The following UBE2E3 variants were observed in gnomAD, a reference collection of about 807,000 sequenced individuals.
UBE2E3 encodes ubiquitin conjugating enzyme E2 E3.
UBE2E3 carries 5 observed loss-of-function variants against 23.6 expected under a neutral mutation model. The observed-to-expected ratio is 0.21, with a 90% CI of 0.11 to 0.44. The LOEUF is 0.44. Among genes scored for constraint, UBE2E3 ranks in the 20% least tolerant of loss-of-function variants. UBE2E3 has a pLI of 0.99. For missense variants in UBE2E3, 81 were observed against 249.8 expected (o/e 0.32, Z 4.55); for synonymous variants, 78 against 87.5 (o/e 0.89, Z 0.60).
At chr2:181,004,927 G>C (rs1685101098) in intron 3 of UBE2E3, among the ~76,000 whole-genome samples, 2 of 152,188 alleles carry the variant, frequency 1.3e-5, no homozygotes, top group Non-Finnish European at 2.9e-5. Flanking sequence ...AAATATTTTG[G>C]AAGGATTTTA....
intron 3 of UBE2E3, among the ~76,000 whole-genome samples, chr2:180,984,831 T>A (rs1253078330): frequency 1.3e-5 from 2 of 152,154 alleles, no homozygotes; most frequent in Non-Finnish European, 2.9e-5. Flanking sequence ...AATAATTTTT[T>A]TCATTTCATT....
chr2:181,058,886 G>A (rs1270944360), intron 4 of UBE2E3, among the ~76,000 whole-genome samples: 2 of 151,692 alleles, frequency 1.3e-5, no homozygotes, highest in African/African-American at 4.8e-5. Flanking sequence ...TGTTTAAAGT[G>A]CTTTACCGTG....
At chr2:181,048,260 A>T (rs996677721) in intron 3 of UBE2E3, among the ~76,000 whole-genome samples, 1 of 152,154 alleles carries the variant, frequency 6.6e-6, no homozygotes, top group Non-Finnish European at 1.5e-5. Flanking sequence ...CTATATCCTC[A>T]GCTTGGCTGA....
intron 4 of UBE2E3, among the ~76,000 whole-genome samples, chr2:181,059,709 T>TA (rs2105482616): frequency 6.6e-6 from 1 of 151,776 alleles, no homozygotes; most frequent in East Asian, 1.9e-4. Context: ...ATGTAACTAG[T>TA]ATATGCTGTA....
chr2:181,039,269 C>T (rs1488395536), intron 3 of UBE2E3, among the ~76,000 whole-genome samples: 6 of 142,198 alleles, frequency 4.2e-5, no homozygotes, highest in Non-Finnish European at 7.9e-5. Context: ...GTGTTTATTT[C>T]AAAATGGTGA....
chr2:181,001,378 T>A (rs1190227573), intron 3 of UBE2E3, among the ~76,000 whole-genome samples: 1 of 152,146 alleles, frequency 6.6e-6, no homozygotes, highest in East Asian at 1.9e-4. Context: ...CTTAAATGGC[T>A]GGGGAAAAGA....
At chr2:180,987,202 T>C (rs1291430009) in intron 3 of UBE2E3, 1 of 963,824 alleles carries the variant, frequency 1.0e-6, no homozygotes. Context: ...ACATAAAGTA[T>C]AAATAATTTA....
intron 3 of UBE2E3, among the ~76,000 whole-genome samples, chr2:181,014,043 C>T (rs17668214): frequency 0.23 from 34,216 of 151,880 alleles, 4,312 homozygotes; most frequent in Non-Finnish European, 0.28. Flanking sequence ...AAAGGTGTGC[C>T]GAAGTATGGA....
intron 3 of UBE2E3, among the ~76,000 whole-genome samples, chr2:181,026,869 A>G (rs1446345284): frequency 7.1e-6 from 1 of 141,462 alleles, no homozygotes; most frequent in Non-Finnish European, 1.6e-5. Flanking sequence ...TTGATTATTG[A>G]TCATATAATA....
At chr2:181,055,040 C>T (rs1686950492) in intron 3 of UBE2E3, among the ~76,000 whole-genome samples, 1 of 151,652 alleles carries the variant, frequency 6.6e-6, no homozygotes, top group African/African-American at 2.4e-5. Context: ...GAGAAATGAT[C>T]ATTGGGTGTA....
chr2:181,009,039 A>G (rs1685237040), intron 3 of UBE2E3, among the ~76,000 whole-genome samples: 1 of 152,142 alleles, frequency 6.6e-6, no homozygotes, highest in Non-Finnish European at 1.5e-5. Context: ...ACTTATTCTA[A>G]AACAACATAA....
chr2:181,027,764 C>G (rs1685942063), intron 3 of UBE2E3, among the ~76,000 whole-genome samples: 1 of 151,852 alleles, frequency 6.6e-6, no homozygotes, highest in Non-Finnish European at 1.5e-5. Flanking sequence ...GCTAAGCTTT[C>G]TTTGCTGTCA....
At chr2:181,035,934 A>G (rs1341290990) in intron 3 of UBE2E3, among the ~76,000 whole-genome samples, 3 of 142,074 alleles carry the variant, frequency 2.1e-5, no homozygotes, top group Admixed American at 6.9e-5. Context: ...GTTGAACTCT[A>G]TAGGTATAAA....
chr2:181,018,200 C>G (rs761630923), intron 3 of UBE2E3, among the ~76,000 whole-genome samples: 1 of 151,920 alleles, frequency 6.6e-6, no homozygotes, highest in African/African-American at 2.4e-5. Context: ...CAGTTATACT[C>G]TAGTAGCAAT....
chr2:181,055,099 A>G (rs1002418510), intron 3 of UBE2E3, among the ~76,000 whole-genome samples: 1 of 151,696 alleles, frequency 6.6e-6, no homozygotes, highest in Admixed American at 6.6e-5. Context: ...CAGTGGAGTA[A>G]TGGGAGGAAA....
At chr2:181,039,991 G>A (rs1255903796) in intron 3 of UBE2E3, among the ~76,000 whole-genome samples, 1 of 152,096 alleles carries the variant, frequency 6.6e-6, no homozygotes, top group African/African-American at 2.4e-5. Context: ...TCTGTTTGTG[G>A]TTGGTTGAAT....
chr2:181,053,543 A>G (rs1330674696), intron 3 of UBE2E3, among the ~76,000 whole-genome samples: 1 of 151,798 alleles, frequency 6.6e-6, no homozygotes, highest in East Asian at 1.9e-4. Flanking sequence ...TTTTAAATTA[A>G]TAGCTTTTTC....
intron 4 of UBE2E3, among the ~76,000 whole-genome samples, chr2:181,059,633 G>C (rs1324005680): frequency 1.3e-5 from 2 of 151,460 alleles, no homozygotes. Flanking sequence ...TTGAAATCTG[G>C]TATTTATTTT....
chr2:181,006,188 A>G (rs546525925), intron 3 of UBE2E3, among the ~76,000 whole-genome samples: 1 of 152,282 alleles, frequency 6.6e-6, no homozygotes, highest in Non-Finnish European at 1.5e-5. Context: ...TATCACCAGG[A>G]TAAAATAAAC....
Sources: allele counts gnomAD v4.1 joint callset (sites outside exome capture counted in the v4.1 genomes callset), GRCh38; gene constraint gnomAD v4.1.1; transcripts MANE v1.5; gene names NCBI Gene and HGNC (gene_info 2026-07-23, HGNC 2026-07-21).